Variants in RALGAPA2 observed in about 807,000 individuals in gnomAD.
The protein encoded by RALGAPA2 is Ral GTPase activating protein catalytic subunit alpha 2, also known as ral GTPase-activating protein subunit alpha-2.
A neutral mutation model predicts 230.4 loss-of-function variants in RALGAPA2; 139 were observed. That is an observed-to-expected ratio of 0.60 (90% CI 0.53 to 0.69). The LOEUF (loss-of-function observed/expected upper bound fraction) is 0.69, where lower values mean the gene tolerates loss of function less well. RALGAPA2 is among the 30% of genes least tolerant of loss of function. The probability of loss-of-function intolerance (pLI) is 0.00; values close to 1 mark genes in which losing one functional copy is unlikely to be tolerated. For missense variants in RALGAPA2, 2,163 were observed against 2,276.0 expected, an observed-to-expected ratio of 0.95 and a Z score of 1.01; for synonymous variants, 847 against 837.8, an observed-to-expected ratio of 1.01 and a Z score of -0.19.
At chr20:20,653,045 A>T (rs1435432567) in intron 4 of RALGAPA2, among the ~76,000 whole-genome samples, 1 of 151,658 alleles carries the variant, frequency 6.6e-6, no homozygotes, top group Non-Finnish European at 1.5e-5. Context: ...ACAAAAAAAA[A>T]ATTAGCCGGG....
At chr20:20,519,022 A>G (rs2062957720) in intron 31 of RALGAPA2, among the ~76,000 whole-genome samples, 1 of 152,224 alleles carries the variant, frequency 6.6e-6, no homozygotes. Flanking sequence ...GATTAAATAA[A>G]TGGAGAACAA....
At chr20:20,692,044 A>G (rs2068931311) in intron 1 of RALGAPA2, among the ~76,000 whole-genome samples, 1 of 152,166 alleles carries the variant, frequency 6.6e-6, no homozygotes, top group Non-Finnish European at 1.5e-5. Context: ...GCCTTCTACC[A>G]TGAATGGAAG....
intron 31 of RALGAPA2, among the ~76,000 whole-genome samples, chr20:20,514,906 G>A (rs1182199593): frequency 1.3e-5 from 2 of 152,224 alleles, no homozygotes; most frequent in African/African-American, 4.8e-5. Flanking sequence ...TGCCTGTGCA[G>A]AGAACCAGGA....
chr20:20,658,707 T>C (rs955566344), intron 3 of RALGAPA2, among the ~76,000 whole-genome samples: 2 of 152,252 alleles, frequency 1.3e-5, no homozygotes, highest in Admixed American at 1.3e-4. Flanking sequence ...TTATCCATAG[T>C]TCTTTTTTCT....
intron 1 of RALGAPA2, among the ~76,000 whole-genome samples, chr20:20,704,247 A>T (rs1004395292): frequency 4.6e-5 from 7 of 152,098 alleles, no homozygotes; most frequent in African/African-American, 1.7e-4. Context: ...CTCCCACCCC[A>T]GGCTCTCAGT....
At chr20:20,587,459 T>C (rs1030594593) in intron 18 of RALGAPA2, among the ~76,000 whole-genome samples, 7 of 152,124 alleles carry the variant, frequency 4.6e-5, no homozygotes, top group South Asian at 2.1e-4. Context: ...CACAAGTAGT[T>C]ATCTATTCAG....
In RALGAPA2 at chr20:20,493,524, T is replaced by C. The variant is rs368349854; in HGVS notation, c.5367+1593A>G. On this transcript the variant is annotated intron_variant, in intron 36 of 39. Coordinates refer to ENST00000202677, the MANE Select transcript of RALGAPA2 (RefSeq NM_020343.4). ...TTTTAAAAAATCAAAAAAATCACTTTTGATTCTATAAAGTGAATTAAAATG... is the reference window on the plus strand; with the variant it reads ...TTTTAAAAAATCAAAAAAATCACTTCTGATTCTATAAAGTGAATTAAAATG... 3.9e-5 allele frequency among the ~76,000 whole-genome samples: 6 copies of C among 152,332 alleles called. No homozygotes were observed. In the East Asian group the frequency reaches 9.6e-4, roughly 24 times the overall value.
chr20:20,476,898 C>G (rs2061664962), intron 36 of RALGAPA2, among the ~76,000 whole-genome samples: 1 of 152,020 alleles, frequency 6.6e-6, no homozygotes, highest in Admixed American at 6.5e-5. Context: ...CGAAAATGAA[C>G]AAACCACAAC....
intron 37 of RALGAPA2, among the ~76,000 whole-genome samples, chr20:20,460,935 T>C (rs564232842): frequency 6.6e-6 from 1 of 152,254 alleles, no homozygotes; most frequent in Admixed American, 6.5e-5. Flanking sequence ...AGAAAGCCAA[T>C]ATAAGTTAAA....
chr20:20,528,647 G>A (rs2063289500), intron 27 of RALGAPA2, among the ~76,000 whole-genome samples: 1 of 152,126 alleles, frequency 6.6e-6, no homozygotes, highest in Non-Finnish European at 1.5e-5. Flanking sequence ...ACCACCCCAT[G>A]CCTGCCATCC....
chr20:20,654,670 T>G (rs1050600839), intron 3 of RALGAPA2, among the ~76,000 whole-genome samples: 4 of 152,248 alleles, frequency 2.6e-5, no homozygotes, highest in Non-Finnish European at 5.9e-5. Flanking sequence ...TGTTTCCATA[T>G]CTCAACTACA....
chr20:20,690,700 G>GT (rs1339537253), intron 1 of RALGAPA2, among the ~76,000 whole-genome samples: 16 of 152,116 alleles, frequency 1.1e-4, no homozygotes, highest in African/African-American at 3.4e-4. Context: ...AGTCTGCCTG[G>GT]TAAGGCTTTT....
intron 15 of RALGAPA2, among the ~76,000 whole-genome samples, chr20:20,602,198 C>G (rs550025401): frequency 6.6e-6 from 1 of 152,308 alleles, no homozygotes; most frequent in African/African-American, 2.4e-5. Flanking sequence ...CCAAAAACCA[C>G]TACTTATAAA....
chr20:20,424,238 C>T (rs1420656688), intron 37 of RALGAPA2, among the ~76,000 whole-genome samples: 1 of 152,202 alleles, frequency 6.6e-6, no homozygotes, highest in African/African-American at 2.4e-5. Flanking sequence ...TCTCCCAGTG[C>T]ACCTCACCTT....
At chr20:20,416,704 C>A (rs537830787) in intron 37 of RALGAPA2, among the ~76,000 whole-genome samples, 1 of 152,320 alleles carries the variant, frequency 6.6e-6, no homozygotes, top group South Asian at 2.1e-4. Flanking sequence ...ATTTTAATTT[C>A]TTTTTACTCA....
intron 31 of RALGAPA2, among the ~76,000 whole-genome samples, chr20:20,519,715 T>C (rs1021840466): frequency 6.6e-6 from 1 of 152,222 alleles, no homozygotes; most frequent in African/African-American, 2.4e-5. Flanking sequence ...TTGGTCCTCT[T>C]TCCACTTCCC....
intron 37 of RALGAPA2, among the ~76,000 whole-genome samples, chr20:20,446,995 T>C (rs1031663551): frequency 6.6e-5 from 10 of 152,348 alleles, no homozygotes; most frequent in Middle Eastern, 3.4e-3. Flanking sequence ...TCTCAGCTGA[T>C]TGGCAGGGAT....
chr20:20,503,390 A>C lies in RALGAPA2; in HGVS notation c.5169T>G (p.Thr1723=), dbSNP rs780212441. 1.2e-6 allele frequency: 2 copies of C among 1,604,694 alleles called. No individual in the cohort carries two copies. The highest frequency in any genetic ancestry group is 4.5e-5 in the East Asian group (2 of 44,278). The change falls in exon 35 of 40, where the codon ACT becomes ACG. Residue 1723 remains threonine, a synonymous_variant. Transcript: ENST00000202677. ...AATCATCTGAGTCTGACGGCATTCG[A>C]GTGGAAACATGGAAAATCACTTCCA... ...STVEVIFHVS[T]RMPSDSDDSL...
At chr20:20,539,834 T>C (rs1309178047) in intron 24 of RALGAPA2, among the ~76,000 whole-genome samples, 4 of 152,216 alleles carry the variant, frequency 2.6e-5, no homozygotes, top group African/African-American at 9.6e-5. Flanking sequence ...TGGACTTTTT[T>C]AGATTCCACA....
Sources: gnomAD v4.1 joint callset for allele counts (sites outside exome capture counted in the v4.1 genomes callset) on GRCh38, gnomAD v4.1.1 for gene constraint, MANE v1.5 for transcripts, NCBI Gene and HGNC (gene_info 2026-07-23, HGNC 2026-07-21) for gene names.